Variants in BCAR3 observed in about 807,000 individuals in gnomAD.
BCAR3 encodes breast cancer anti-estrogen resistance protein 3.
In BCAR3, 37 loss-of-function variants were observed where a neutral mutation model predicts 80.1. That is an observed-to-expected ratio of 0.46 (90% CI 0.36 to 0.61). The LOEUF is 0.61. Among genes scored for constraint, BCAR3 ranks in the 20% least tolerant of loss-of-function variants. The pLI, the probability that BCAR3 is intolerant of heterozygous loss-of-function variation, is 0.00. For synonymous variants in BCAR3, 389 were observed against 418.9 expected (o/e 0.93, Z 0.87); for missense variants, 978 against 1,068.2 (o/e 0.92, Z 1.18).
chr1:93,762,169 C>G (rs1201288207), intron 2 of BCAR3, among the ~76,000 whole-genome samples: 1 of 152,210 alleles, frequency 6.6e-6, no homozygotes. Flanking sequence ...GACAGCAGCA[C>G]CAGGGACCAG....
intron 3 of BCAR3, among the ~76,000 whole-genome samples, chr1:93,620,770 T>C (rs1380042952): frequency 6.6e-6 from 1 of 152,154 alleles, no homozygotes. Context: ...CGCCCTGTAT[T>C]ACTGGGTTGT....
intron 2 of BCAR3, among the ~76,000 whole-genome samples, chr1:93,806,224 A>G (rs1437792799): frequency 1.3e-5 from 2 of 152,210 alleles, no homozygotes; most frequent in East Asian, 3.9e-4. Context: ...ACAGATTAAT[A>G]TGAGAAAAAG....
intron 2 of BCAR3, among the ~76,000 whole-genome samples, chr1:93,722,438 A>G (rs558867258): frequency 2.2e-4 from 34 of 152,324 alleles, no homozygotes; most frequent in Non-Finnish European, 4.4e-4. Flanking sequence ...GCCACGGTCC[A>G]TGGGGTGCCC....
chr1:93,597,180 G>C (rs1329228678), intron 3 of BCAR3, among the ~76,000 whole-genome samples: 1 of 152,184 alleles, frequency 6.6e-6, no homozygotes, highest in Non-Finnish European at 1.5e-5. Flanking sequence ...AGTAACTACT[G>C]TACATGGTTA....
At chr1:93,691,828 T>C (rs917000032) in intron 3 of BCAR3, among the ~76,000 whole-genome samples, 2 of 152,180 alleles carry the variant, frequency 1.3e-5, no homozygotes, top group Non-Finnish European at 2.9e-5. Flanking sequence ...GCCTTTTTTC[T>C]AATAAGACAT....
At chr1:93,680,157 T>C (rs1332076681) in intron 1 of BCAR3, among the ~76,000 whole-genome samples, 5 of 152,246 alleles carry the variant, frequency 3.3e-5, no homozygotes, top group African/African-American at 1.2e-4. Context: ...CAAGTATGAA[T>C]AATTCCTCCA....
intron 2 of BCAR3, among the ~76,000 whole-genome samples, chr1:93,825,729 G>A (rs1654349420): frequency 6.6e-6 from 1 of 152,204 alleles, no homozygotes; most frequent in Non-Finnish European, 1.5e-5. Context: ...GAGCAGAGGA[G>A]AGGGTATCAT....
At chr1:93,801,205 C>G (rs1653465972) in intron 2 of BCAR3, among the ~76,000 whole-genome samples, 1 of 152,120 alleles carries the variant, frequency 6.6e-6, no homozygotes, top group African/African-American at 2.4e-5. Context: ...GTTTCTGAGG[C>G]TTCTTTTGAA....
chr1:93,748,098 C>A (rs1440296625), intron 2 of BCAR3, among the ~76,000 whole-genome samples: 5 of 152,164 alleles, frequency 3.3e-5, no homozygotes, highest in Non-Finnish European at 2.9e-5. Context: ...TTCCTCATTT[C>A]CTAATTCATT....
chr1:93,593,461 T>A (rs1368603531), intron 3 of BCAR3, among the ~76,000 whole-genome samples: 2 of 152,098 alleles, frequency 1.3e-5, no homozygotes, highest in East Asian at 3.9e-4. Flanking sequence ...AGCAACCTCC[T>A]GGGCTCAAGC....
chr1:93,800,684 G>C (rs1277355730), intron 2 of BCAR3, among the ~76,000 whole-genome samples: 1 of 152,038 alleles, frequency 6.6e-6, no homozygotes, highest in South Asian at 2.1e-4. Context: ...TGAATTTTCT[G>C]ATTTATAATT....
At chr1:93,770,500 CA>C (rs899574088) in intron 2 of BCAR3, among the ~76,000 whole-genome samples, 2 of 152,126 alleles carry the variant, frequency 1.3e-5, no homozygotes, top group East Asian at 1.9e-4. Flanking sequence ...CAGAGGCAAA[CA>C]TTTTTTTGTT....
chr1:93,602,877 C>G lies in BCAR3; in HGVS notation c.358-10484G>C, dbSNP rs1674666826. On this transcript the variant is annotated intron_variant, in intron 3 of 11. Coordinates refer to ENST00000260502, the MANE Select transcript of BCAR3 (RefSeq NM_003567.4). ...TTGGGTGTTTTCATCTAAAGTAGAA[C>G]AGAAAGAACAGGAATGGCACTTGTG... 5.3e-5 allele frequency among the ~76,000 whole-genome samples: 8 copies of G among 152,312 alleles called. No homozygotes were observed. In the South Asian group the frequency reaches 1.7e-3, roughly 32 times the overall value.
At chr1:93,563,905 G>A (rs887520467) in intron 11 of BCAR3, among the ~76,000 whole-genome samples, 3 of 152,092 alleles carry the variant, frequency 2.0e-5, no homozygotes, top group African/African-American at 7.2e-5. Flanking sequence ...TGTTGGCCAG[G>A]CTGGTCTCGA....
intron 2 of BCAR3, among the ~76,000 whole-genome samples, chr1:93,709,271 C>T (rs1253086017): frequency 6.6e-6 from 1 of 152,226 alleles, no homozygotes; most frequent in African/African-American, 2.4e-5. Flanking sequence ...GGCACATTCT[C>T]CTCCTCTGAC....
At chr1:93,829,504 G>A (rs1654483081) in intron 2 of BCAR3, among the ~76,000 whole-genome samples, 1 of 152,044 alleles carries the variant, frequency 6.6e-6, no homozygotes. Flanking sequence ...GAGAAGAAAT[G>A]GTTTTGGGGC....
At chr1:93,675,083 C>G in intron 1 of BCAR3, 142 bp from the exon 2 acceptor site, 1 of 630,978 alleles carries the variant, frequency 1.6e-6, no homozygotes, top group Non-Finnish European at 2.5e-6. Context: ...AATGGCATCA[C>G]TAGTGGAGTC....
intron 3 of BCAR3, among the ~76,000 whole-genome samples, chr1:93,703,431 G>A (rs1014522233): frequency 3.3e-5 from 5 of 152,040 alleles, no homozygotes; most frequent in South Asian, 2.1e-4. Flanking sequence ...AGCAGGTGTC[G>A]TGGTACACTC....
At chr1:93,822,022 A>T (rs188587618) in intron 2 of BCAR3, among the ~76,000 whole-genome samples, 73 of 152,316 alleles carry the variant, frequency 4.8e-4, no homozygotes, top group African/African-American at 1.7e-3. Context: ...AAGCAAGGTT[A>T]GGGAAGCTGG....
Sources: gnomAD v4.1 joint callset for allele counts (sites outside exome capture counted in the v4.1 genomes callset) on GRCh38, gnomAD v4.1.1 for gene constraint, MANE v1.5 for transcripts, NCBI Gene and HGNC (gene_info 2026-07-23, HGNC 2026-07-21) for gene names.